Variants in SF3B1 observed in about 807,000 individuals in gnomAD.
The protein encoded by SF3B1 is pre-mRNA processing 10.
SF3B1 carries 12 observed loss-of-function variants against 153.8 expected under a neutral mutation model. The observed-to-expected ratio is 0.08, with a 90% CI of 0.05 to 0.13. The LOEUF is 0.13. SF3B1 is among the 10% of genes least tolerant of loss of function. SF3B1 has a pLI of 1.00. For missense variants in SF3B1, 513 were observed against 1,606.1 expected (o/e 0.32, Z 11.63); for synonymous variants, 498 against 525.2 (o/e 0.95, Z 0.71).
chr2:197,402,920 T>G lies in SF3B1; in HGVS notation c.1806+29A>C, dbSNP rs2084950269. 2.5e-6 allele frequency: 4 copies of G among 1,608,600 alleles called. 1 individual carries two copies. Among genetic ancestry groups the G allele is most frequent in the Admixed American group, 3.4e-5 (2 of 59,462 alleles). ...ATCAATTCCATAAACAGATATAAAT[T>G]TTCTTCTCTAGAAATTAAATGTAAA... On this transcript the variant is annotated intron_variant, in intron 13 of 24. Transcript: ENST00000335508. The surrounding 1 kb of genome is among the most constrained non-coding windows in gnomAD (Gnocchi z 4.6).
intron 1 of SF3B1, 44 bp downstream of exon 1, chr2:197,434,928 G>C: frequency 6.3e-7 from 1 of 1,588,760 alleles, no homozygotes. Context: ...GCTTTTATTA[G>C]GCTAGCAACG....
At chr2:197,403,457 T>C in intron 12 of SF3B1, 128 bp downstream of exon 12, 1 of 551,372 alleles carries the variant, frequency 1.8e-6, no homozygotes, top group East Asian at 3.2e-5. Flanking sequence ...TGTATAAAAC[T>C]GTATTTGTAC....
intron 6 of SF3B1, among the ~76,000 whole-genome samples, chr2:197,412,005 G>A (rs1412144159): frequency 6.6e-6 from 1 of 151,610 alleles, no homozygotes; most frequent in Non-Finnish European, 1.5e-5. Context: ...AGCTACTCAG[G>A]AGGGTGAGGC....
intron 1 of SF3B1, among the ~76,000 whole-genome samples, chr2:197,434,088 C>T (rs2085484165): frequency 6.6e-6 from 1 of 152,210 alleles, no homozygotes. Flanking sequence ...GCCAAATACC[C>T]AGAAAGAACA....
intron 8 of SF3B1, 68 bp from the exon 9 acceptor site, chr2:197,408,187 A>G (rs755086677): frequency 7.0e-7 from 1 of 1,424,426 alleles, no homozygotes; most frequent in Non-Finnish European, 9.7e-7. Flanking sequence ...CATTGAGATA[A>G]AAGACAGTTA....
At position 197,402,858 on chromosome 2, in the gene SF3B1, A is replaced by G. The variant is rs2084949426; in HGVS notation, c.1807-32T>C. The G allele has an allele frequency of 6.2e-7, 1 of 1,612,348 alleles. No individual in the cohort carries two copies. Among genetic ancestry groups the G allele is most frequent in the Admixed American group, 1.7e-5 (1 of 59,766 alleles). On this transcript the variant is annotated intron_variant, in intron 13 of 24. Transcript: ENST00000335508. The surrounding 1 kb of genome is among the most constrained non-coding windows in gnomAD (Gnocchi z 4.6). Reference sequence around the variant, plus strand: ...TGTAAACAAAGAAAGGACAGTCATGAGTTGGTAATATTAATCTTCAACCAT... The same window carrying G: ...TGTAAACAAAGAAAGGACAGTCATGGGTTGGTAATATTAATCTTCAACCAT...
At chr2:197,404,372 G>A (rs773002494) in intron 11 of SF3B1, among the ~76,000 whole-genome samples, 1 of 152,022 alleles carries the variant, frequency 6.6e-6, no homozygotes, top group Non-Finnish European at 1.5e-5. Context: ...TTGAGGCCAG[G>A]AGTTCAAGAC....
Position 197,412,107 on chromosome 2 carries a change from C to CA in SF3B1, c.667-2101dup, listed in dbSNP as rs397987243. ...CCTGGGTGAGAGTGAGACTCTGTCT[C>CA]AAAAAAAAAAAAAAAAAAAGATTTT... On this transcript the variant is annotated intron_variant, in intron 6 of 24. Coordinates refer to ENST00000335508, the MANE Select transcript of SF3B1 (RefSeq NM_012433.4). 7.3e-3 allele frequency among the ~76,000 whole-genome samples: 593 copies of CA among 81,256 alleles called. 11 individuals carry two copies. Among genetic ancestry groups the CA allele is most frequent in the South Asian group, 0.041 (93 of 2,266 alleles). The allele number at this position is 81,256 out of a possible 152,430, so 53.3% of individuals were successfully genotyped here. A position where few individuals can be genotyped will look rare whatever the true frequency, so the allele number is the denominator to read the frequency against.
At chr2:197,410,089 G>GA in intron 6 of SF3B1, 82 bp from the exon 7 acceptor site, 1 of 984,398 alleles carries the variant, frequency 1.0e-6, no homozygotes. Flanking sequence ...AACTTTAAAC[G>GA]AAAAATGTTT....
At chr2:197,430,721 T>C (rs1270241084) in intron 1 of SF3B1, among the ~76,000 whole-genome samples, 2 of 152,218 alleles carry the variant, frequency 1.3e-5, no homozygotes, top group African/African-American at 4.8e-5. Flanking sequence ...CCCAAAGTGC[T>C]GGGATTACAG....
At chr2:197,428,512 G>A (rs1286454315) in intron 1 of SF3B1, among the ~76,000 whole-genome samples, 1 of 152,178 alleles carries the variant, frequency 6.6e-6, no homozygotes, top group Non-Finnish European at 1.5e-5. Context: ...AGCCTGGTGT[G>A]TAAGTATTCC....
intron 1 of SF3B1, among the ~76,000 whole-genome samples, chr2:197,426,119 T>A (rs990307357): frequency 2.0e-5 from 3 of 151,910 alleles, no homozygotes; most frequent in Non-Finnish European, 4.4e-5. Context: ...CACCACTACA[T>A]GCACAGATGT....
rs1201194312 is a variant in SF3B1, at chr2:197,408,493, G to A, written c.993C>T (p.Ala331=). 1 of 1,613,724 alleles carries A rather than the reference G, an allele frequency of 6.2e-7. No individual in the cohort carries two copies. The highest frequency in any genetic ancestry group is 1.7e-5 in the Admixed American group (1 of 59,986). ...CATCCCACCGTGATTTTCTTTTACTGGCTCCAGGAGTCGGTGTTTCACCAA... is the reference window on the plus strand; with the variant it reads ...CATCCCACCGTGATTTTCTTTTACTAGCTCCAGGAGTCGGTGTTTCACCAA... ...DSIGETPTPG[A]SKRKSRWDET... The change falls in exon 8 of 25, where the codon GCC becomes GCT. Residue 331 remains alanine, a synonymous_variant. Transcript: ENST00000335508.
At chr2:197,394,038 G>C (rs2084846214) in intron 23 of SF3B1, among the ~76,000 whole-genome samples, 1 of 151,954 alleles carries the variant, frequency 6.6e-6, no homozygotes, top group African/African-American at 2.4e-5. Context: ...ACAAAAATTA[G>C]TAGGGCATTT....
chr2:197,411,906 G>A (rs2085074129), intron 6 of SF3B1, among the ~76,000 whole-genome samples: 1 of 151,852 alleles, frequency 6.6e-6, no homozygotes, highest in South Asian at 2.1e-4. Flanking sequence ...GACCAGCCTG[G>A]CCAACATGGC....
chr2:197,395,904 A>G (rs754862115), intron 23 of SF3B1, 152 bp downstream of exon 23: 21 of 607,550 alleles, frequency 3.5e-5, no homozygotes, highest in African/African-American at 1.7e-4. Flanking sequence ...TTTTAAAATA[A>G]TAAGTCATAT....
chr2:197,434,428 G>A (rs1430791255), intron 1 of SF3B1, among the ~76,000 whole-genome samples: 3 of 152,084 alleles, frequency 2.0e-5, no homozygotes, highest in Admixed American at 6.6e-5. Context: ...ACTAAGGGAG[G>A]GAAAACAACT....
rs181478379 is a variant in SF3B1, at chr2:197,401,537, A to T, written c.2371-12T>A. On this transcript the variant is annotated splice_polypyrimidine_tract_variant and intron_variant, in intron 16 of 24. Coordinates refer to ENST00000335508, the MANE Select transcript of SF3B1 (RefSeq NM_012433.4). This position sits in a 1 kb window ranked among gnomAD's most constrained non-coding sequence, Gnocchi z 4.2. ...CACTGTTTTACCACCTAAAAGGTTA[A>T]GAAATAGTAATAATAAATCAACTGA... The T allele has an allele frequency of 6.4e-4, 1,024 of 1,605,444 alleles. 6 individuals carry two copies. In the African/African-American group the frequency reaches 0.012, roughly 18 times the overall value.
rs1301392755 is a variant in SF3B1 at position 197,423,951 on chromosome 2, T to C, written c.52A>G (p.Ile18Val). ...HEDIEAQIRE[I>V]QGKKAALDEA... ...TCAAGAGCTGCCTTCTTGCCTTGAA[T>C]TTCTCGAATCTGTGCTTCAATATCT... is the stretch of plus-strand genomic sequence containing the variant. Residue 18 changes from isoleucine (I) to valine (V), a missense_variant, in exon 2 of 25, where the codon ATT becomes GTT. Ile to Val is a conservative substitution (Grantham distance 29). Transcript: ENST00000335508. 1 of 1,610,382 alleles carries C rather than the reference T, an allele frequency of 6.2e-7. No individual in the cohort carries two copies. Among genetic ancestry groups the C allele is most frequent in the Non-Finnish European group, 8.5e-7 (1 of 1,179,156 alleles).
Sources: gnomAD v4.1 joint callset for allele counts (sites outside exome capture counted in the v4.1 genomes callset) on GRCh38, gnomAD v4.1.1 for gene constraint, Gnocchi (gnomAD v3.1) non-coding constraint, MANE v1.5 for transcripts, NCBI Gene and HGNC (gene_info 2026-07-23, HGNC 2026-07-21) for gene names.